The following RCBTB2 variants were observed in gnomAD, a reference collection of about 807,000 sequenced individuals.
RCBTB2 encodes RCC1 and BTB domain-containing protein 2.
In RCBTB2, 55 loss-of-function variants were observed where a neutral mutation model predicts 65.4. The observed-to-expected ratio is 0.84, with a 90% CI of 0.68 to 1.05. The LOEUF is 1.05. RCBTB2 is among the 50% of genes least tolerant of loss of function. The pLI is 0.00. For synonymous variants in RCBTB2, 220 were observed against 255.2 expected (o/e 0.86, Z 1.31); for missense variants, 599 against 680.1 (o/e 0.88, Z 1.33).
chr13:48,502,718 G>A lies in RCBTB2; in HGVS notation c.1117+6C>T, dbSNP rs987847688. On this transcript the variant is annotated splice_donor_region_variant and intron_variant, in intron 11 of 14. Coordinates refer to ENST00000344532, the MANE Select transcript of RCBTB2 (RefSeq NM_001268.4). ...CCATCCCCCAAATGGACAGTGACCA[G>A]CTTACCCACGGAGAGGAGGCGCCAC... is the stretch of plus-strand genomic sequence containing the variant. The A allele has an allele frequency of 1.6e-5, 25 of 1,605,090 alleles. No homozygotes were observed. Among genetic ancestry groups the A allele is most frequent in the Non-Finnish European group, 2.0e-5 (24 of 1,174,024 alleles).
chr13:48,504,799 C>T (rs1289219405), intron 10 of RCBTB2, among the ~76,000 whole-genome samples: 1 of 152,206 alleles, frequency 6.6e-6, no homozygotes, highest in African/African-American at 2.4e-5. Context: ...GATGATCCTC[C>T]ACTGCCTCCT....
At chr13:48,527,335 A>ATATG (rs1402047748) in intron 1 of RCBTB2, among the ~76,000 whole-genome samples, 1 of 128,610 alleles carries the variant, frequency 7.8e-6, no homozygotes, top group African/African-American at 4.3e-5. Flanking sequence ...ATATATATAT[A>ATATG]TGATATATAT....
intron 14 of RCBTB2, among the ~76,000 whole-genome samples, chr13:48,495,402 A>AAC (rs9332056): frequency 0.22 from 32,718 of 152,040 alleles, 9,840 homozygotes; most frequent in African/African-American, 0.68. Context: ...AAAATAGGAT[A>AAC]AGTTTTTCAC....
At chr13:48,525,478 T>C (rs562884941) in intron 1 of RCBTB2, among the ~76,000 whole-genome samples, 158 of 147,824 alleles carry the variant, frequency 1.1e-3, no homozygotes, top group Non-Finnish European at 1.0e-3. Context: ...TCCTCCTACA[T>C]GAGATGCTTG....
Position 48,490,071 on chromosome 13 carries a change from G to A in RCBTB2, c.*40C>T, listed in dbSNP as rs1277863687. 1 of 1,609,938 alleles carries A rather than the reference G, an allele frequency of 6.2e-7. No individual in the cohort carries two copies. Among genetic ancestry groups the A allele is most frequent in the African/African-American group, 1.3e-5 (1 of 74,764 alleles). On this transcript the variant is annotated 3_prime_UTR_variant, in exon 15 of 15. Coordinates refer to ENST00000344532, the MANE Select transcript of RCBTB2 (RefSeq NM_001268.4). ...AAGTGATTCATCTCTGGCTTTTGCA[G>A]GGGAAATGGAAAGGCTCAAAAACTT...
At chr13:48,517,246 C>T (rs1291935308) in intron 4 of RCBTB2, among the ~76,000 whole-genome samples, 1 of 152,216 alleles carries the variant, frequency 6.6e-6, no homozygotes, top group Non-Finnish European at 1.5e-5. Flanking sequence ...CTTTCACCAC[C>T]ATGTCATCCA....
chr13:48,513,173 T>C (rs181580674), intron 6 of RCBTB2, among the ~76,000 whole-genome samples: 15 of 152,326 alleles, frequency 9.8e-5, no homozygotes, highest in Middle Eastern at 3.4e-3. Flanking sequence ...CTGGGAGTAA[T>C]AGCAAAAACA....
At chr13:48,493,289 C>CCACACACACACACACA (rs1237098435) in intron 14 of RCBTB2, among the ~76,000 whole-genome samples, 18 of 102,352 alleles carry the variant, frequency 1.8e-4, no homozygotes, top group African/African-American at 8.2e-4. Flanking sequence ...CTCTCTCTCT[C>CCACACACACACACACA]CACACACACA....
At chr13:48,490,614 T>A (rs959940722) in intron 14 of RCBTB2, among the ~76,000 whole-genome samples, 6 of 152,354 alleles carry the variant, frequency 3.9e-5, no homozygotes, top group Middle Eastern at 6.8e-3. Flanking sequence ...AAAAGCCCTA[T>A]ACTCCTCTTT....
At chr13:48,529,042 C>T (rs1280584759) in intron 1 of RCBTB2, among the ~76,000 whole-genome samples, 2 of 152,040 alleles carry the variant, frequency 1.3e-5, no homozygotes, top group Non-Finnish European at 1.5e-5. Context: ...CAAAGCAAAG[C>T]GGTATTTAAT....
chr13:48,489,952 T>C lies in RCBTB2; in HGVS notation c.*159A>G. On this transcript the variant is annotated 3_prime_UTR_variant, in exon 15 of 15. Transcript: ENST00000344532. ...ATGCTTTCTACATAAACTCTGGGTT[T>C]AGGCAGACAAAGACCACTCACCACC... is the stretch of plus-strand genomic sequence containing the variant. 1.3e-6 allele frequency: 1 copy of C among 758,004 alleles called. No individual in the cohort carries two copies. 47.0% of individuals were successfully genotyped at this position (758,004 alleles called of 1,614,324 possible).
intron 10 of RCBTB2, among the ~76,000 whole-genome samples, chr13:48,504,594 C>T (rs1334144406): frequency 1.3e-5 from 2 of 152,344 alleles, no homozygotes; most frequent in East Asian, 3.9e-4. Context: ...TTACTTTATG[C>T]ATCCGTTTCA....
chr13:48,531,575 C>T (rs1176546439), intron 1 of RCBTB2, among the ~76,000 whole-genome samples: 1 of 152,190 alleles, frequency 6.6e-6, no homozygotes, highest in African/African-American at 2.4e-5. Context: ...ATACCAAACG[C>T]AGACGCCCTG....
chr13:48,508,163 C>T (rs1215257318), intron 10 of RCBTB2, among the ~76,000 whole-genome samples: 2 of 152,110 alleles, frequency 1.3e-5, no homozygotes, highest in African/African-American at 2.4e-5. Context: ...TGCAATGGGC[C>T]GCAGAAGAGT....
At position 48,502,809 on chromosome 13, in the gene RCBTB2, G is replaced by C; in HGVS notation, c.1032C>G (p.Leu344=). 1 of 1,614,198 alleles carries C rather than the reference G, an allele frequency of 6.2e-7. No homozygotes were observed. The highest frequency in any genetic ancestry group is 8.5e-7 in the Non-Finnish European group (1 of 1,180,020). ...WGQCRGQSVI[L]PHLTHFSCTD... ...TGCAGGAGAAGTGGGTGAGGTGCGG[G>C]AGGATCACGGACTGACCCCGGCACT... Residue 344 remains leucine, a synonymous_variant, in exon 11 of 15, where the codon CTC becomes CTG. Transcript: ENST00000344532.
Position 48,502,805 on chromosome 13 carries a change from G to A in RCBTB2, c.1036C>T (p.His346Tyr), listed in dbSNP as rs1218394279. The A allele has an allele frequency of 2.5e-6, 4 of 1,614,088 alleles. No homozygotes were observed. Among genetic ancestry groups the A allele is most frequent in the East Asian group, 2.2e-5 (1 of 44,896 alleles). Residue 346 changes from histidine (H) to tyrosine (Y), a missense_variant, in exon 11 of 15, where the codon CAC becomes TAC. His to Tyr is a moderately conservative substitution (Grantham distance 83). Transcript: ENST00000344532. ...TCAGTGCAGGAGAAGTGGGTGAGGT[G>A]CGGGAGGATCACGGACTGACCCCGG... is the stretch of plus-strand genomic sequence containing the variant. ...QCRGQSVILP[H>Y]LTHFSCTDDV...
intron 4 of RCBTB2, among the ~76,000 whole-genome samples, chr13:48,518,152 G>T (rs1007769288): frequency 4.6e-5 from 7 of 152,176 alleles, no homozygotes; most frequent in African/African-American, 1.7e-4. Flanking sequence ...TGTGAGAAAA[G>T]AAATTTCTGT....
Position 48,502,836 on chromosome 13 carries a change from G to A in RCBTB2, c.1005C>T (p.Gly335=). The A allele has an allele frequency of 6.2e-7, 1 of 1,614,216 alleles. No homozygotes were observed. Among genetic ancestry groups the A allele is most frequent in the Non-Finnish European group, 8.5e-7 (1 of 1,180,028 alleles). Residue 335 remains glycine, a synonymous_variant, in exon 11 of 15, where the codon GGC becomes GGT. Coordinates refer to ENST00000344532, the MANE Select transcript of RCBTB2 (RefSeq NM_001268.4). ...GGATCACGGACTGACCCCGGCACTG[G>A]CCCCACATGTACACGTGCCCACCCT... ...KTQGGHVYMW[G]QCRGQSVILP... is the part of the protein sequence containing the mutation.
Position 48,510,708 on chromosome 13 carries a change from C to T in RCBTB2, c.847G>A (p.Ala283Thr), listed in dbSNP as rs560160674. The T allele has an allele frequency of 1.6e-5, 26 of 1,614,052 alleles. No individual in the cohort carries two copies. Among genetic ancestry groups the T allele is most frequent in the East Asian group, 1.1e-4 (5 of 44,878 alleles). Reference protein sequence around the residue: ...TDEGQVYAWGANSYGQLGTGN... With the variant: ...TDEGQVYAWGTNSYGQLGTGN... ...GTGCCCAACTGCCCATAAGAATTGG[C>T]GCCCCAAGCATACACTTGGCCTTCA... is the stretch of plus-strand genomic sequence containing the variant. Residue 283 changes from alanine (A) to threonine (T), a missense_variant, in exon 10 of 15, where the codon GCC becomes ACC. Transcript: ENST00000344532.
Sources: gnomAD v4.1 joint callset for allele counts (sites outside exome capture counted in the v4.1 genomes callset) on GRCh38, gnomAD v4.1.1 for gene constraint, MANE v1.5 for transcripts, NCBI Gene and HGNC (gene_info 2026-07-23, HGNC 2026-07-21) for gene names.